Variants in SLC36A2 observed in about 807,000 individuals in gnomAD.
SLC36A2 encodes proton-coupled amino acid transporter 2.
Under a neutral mutation model 42.7 loss-of-function variants are expected in SLC36A2, and 39 were observed. The ratio of observed to expected loss-of-function variants is 0.91; its 90% confidence interval spans 0.71 to 1.19. SLC36A2 has a LOEUF of 1.19. Among genes scored for constraint, SLC36A2 ranks in the 50% most tolerant of loss-of-function variants. The pLI is 0.00. For synonymous variants in SLC36A2, 237 were observed against 240.8 expected, an observed-to-expected ratio of 0.98 and a Z score of 0.15; for missense variants, 590 against 613.7, an observed-to-expected ratio of 0.96 and a Z score of 0.41.
chr5:151,341,909 C>T (rs183118161), intron 4 of SLC36A2, among the ~76,000 whole-genome samples: 1 of 152,276 alleles, frequency 6.6e-6, no homozygotes, highest in East Asian at 1.9e-4. Context: ...TCTCCCAATC[C>T]CAGGATCCAG....
In SLC36A2 at chr5:151,340,054, CAA is replaced by C. The variant is rs1756276615; in HGVS notation, c.441-912_441-911del. ...AGTTGTGGGGAGGAAGAGGGAGGGA[CAA>C]AGAGAGAGAGAAAAAGAAGAAAAAG... On this transcript the variant is annotated intron_variant, in intron 4 of 9. Transcript: ENST00000335244. Among the ~76,000 whole-genome samples the C allele has an allele frequency of 2.1e-5, 3 of 143,988 alleles. No homozygotes were observed. In the Admixed American group the frequency reaches 2.2e-4, roughly 11 times the overall value. 94.5% of individuals were successfully genotyped at this position (143,988 alleles called of 152,430 possible). A position where few individuals can be genotyped will look rare whatever the true frequency, so the allele number is the denominator to read the frequency against.
chr5:151,347,499 G>T lies in SLC36A2; in HGVS notation c.-39C>A, dbSNP rs756838557. On this transcript the variant is annotated 5_prime_UTR_variant, in exon 1 of 10. Transcript: ENST00000335244. ...ACAAGGAGCTCGGGGTGACAAAGAG[G>T]TCTGCTCTGGAAGGAGGGAAGCAGG... 7 of 1,610,744 alleles carry T rather than the reference G, an allele frequency of 4.3e-6. No homozygotes were observed. Among genetic ancestry groups the T allele is most frequent in the Non-Finnish European group, 5.9e-6 (7 of 1,178,650 alleles).
chr5:151,344,410 T>C, intron 1 of SLC36A2, 143 bp from the exon 2 acceptor site: 2 of 751,790 alleles, frequency 2.7e-6, no homozygotes, highest in Non-Finnish European at 4.7e-6. Flanking sequence ...CACATCTGGG[T>C]CTCCTGTAGG....
intron 4 of SLC36A2, among the ~76,000 whole-genome samples, chr5:151,340,254 AGAGGAG>A (rs113061396): frequency 3.1e-4 from 45 of 146,930 alleles, no homozygotes; most frequent in African/African-American, 1.1e-3. Context: ...AGGGGGAAGA[AGAGGAG>A]GAGGTGGAAG....
chr5:151,316,010 G>T lies in SLC36A2; in HGVS notation c.*807C>A, dbSNP rs918718084. The T allele has an allele frequency of 6.6e-6, 1 of 152,168 alleles. No individual in the cohort carries two copies. The highest frequency in any genetic ancestry group is 1.5e-5 in the Non-Finnish European group (1 of 68,046). The allele number at this position is 152,168 out of a possible 1,614,324, so 9.4% of individuals were successfully genotyped here. A position where few individuals can be genotyped will look rare whatever the true frequency, so the allele number is the denominator to read the frequency against. On this transcript the variant is annotated 3_prime_UTR_variant, in exon 10 of 10. Transcript: ENST00000335244. ...TTTCTATCTGAGAGTTTTCACACTG[G>T]TCATCTTGGCCCTACCCATCTCAAC...
chr5:151,322,774 G>A (rs1275704843), intron 8 of SLC36A2, among the ~76,000 whole-genome samples: 3 of 152,162 alleles, frequency 2.0e-5, no homozygotes, highest in African/African-American at 4.8e-5. Context: ...GAGTCAGGGT[G>A]GAATATAAGG....
chr5:151,333,062 A>G (rs1048047108), intron 7 of SLC36A2, among the ~76,000 whole-genome samples, 162 bp downstream of exon 7: 11 of 152,202 alleles, frequency 7.2e-5, no homozygotes, highest in African/African-American at 2.7e-4. Context: ...CTTGCTGGTG[A>G]CAACTGTCCC....
chr5:151,338,825 G>A lies in SLC36A2; in HGVS notation c.525+235C>T, dbSNP rs1365295626. ...CCAAGGGTCTTTCCATTCCAGTTCAGTAGAGATCAACTTTGAGAACAGGTC... is the reference window on the plus strand; with the variant it reads ...CCAAGGGTCTTTCCATTCCAGTTCAATAGAGATCAACTTTGAGAACAGGTC... On this transcript the variant is annotated intron_variant, in intron 5 of 9. Transcript: ENST00000335244. 1.4e-5 allele frequency: 6 copies of A among 415,824 alleles called. No individual in the cohort carries two copies. In the East Asian group the frequency reaches 1.6e-4, roughly 11 times the overall value. The allele number at this position is 415,824 out of a possible 1,614,324, so 25.8% of individuals were successfully genotyped here.
At chr5:151,339,015 T>A in intron 5 of SLC36A2, 45 bp downstream of exon 5, 2 of 1,399,182 alleles carry the variant, frequency 1.4e-6, no homozygotes, top group Non-Finnish European at 2.0e-6. Context: ...CAGTGGCGTG[T>A]CCTTGTCCAT....
chr5:151,318,485 A>G (rs1580840885), intron 9 of SLC36A2, among the ~76,000 whole-genome samples: 1 of 143,194 alleles, frequency 7.0e-6, no homozygotes, highest in African/African-American at 2.6e-5. Flanking sequence ...TATATTTTAT[A>G]TATTTTATCT....
intron 7 of SLC36A2, among the ~76,000 whole-genome samples, chr5:151,329,798 C>T (rs1319569728): frequency 1.3e-5 from 2 of 152,032 alleles, no homozygotes; most frequent in Non-Finnish European, 2.9e-5. Context: ...GCCTCAGAAA[C>T]CTGTGGGATA....
chr5:151,335,676 C>T (rs560143880), intron 5 of SLC36A2, 129 bp from the exon 6 acceptor site: 130 of 752,270 alleles, frequency 1.7e-4, no homozygotes, highest in Admixed American at 1.3e-3. Flanking sequence ...CCAAATCTCA[C>T]GGTGAGTTAG....
intron 5 of SLC36A2, among the ~76,000 whole-genome samples, chr5:151,337,358 A>T (rs952321728): frequency 1.3e-5 from 2 of 152,154 alleles, no homozygotes; most frequent in African/African-American, 4.8e-5. Context: ...TGCTCCAGTG[A>T]TCTCTGCAAT....
intron 7 of SLC36A2, among the ~76,000 whole-genome samples, chr5:151,327,562 C>G (rs1755888055): frequency 6.6e-6 from 1 of 152,154 alleles, no homozygotes; most frequent in African/African-American, 2.4e-5. Flanking sequence ...TTTCCACTTT[C>G]TTCTGGATTA....
At chr5:151,334,442 C>G (rs1348746041) in intron 6 of SLC36A2, among the ~76,000 whole-genome samples, 1 of 151,160 alleles carries the variant, frequency 6.6e-6, no homozygotes, top group Non-Finnish European at 1.5e-5. Context: ...GTAATCTCAG[C>G]ACTTTGGGGG....
At chr5:151,322,299 G>A (rs1755719114) in intron 8 of SLC36A2, 84 bp from the exon 9 acceptor site, 1 of 1,507,316 alleles carries the variant, frequency 6.6e-7, no homozygotes, top group South Asian at 1.2e-5. Context: ...CTGACCTTGG[G>A]ACAATGACTT....
intron 9 of SLC36A2, chr5:151,319,004 T>G (rs1184560433): frequency 1.0e-5 from 2 of 198,022 alleles, no homozygotes; most frequent in Non-Finnish European, 1.8e-5. Flanking sequence ...AAGGCAGGAG[T>G]CTGGTTCATT....
At position 151,333,317 on chromosome 5, in the gene SLC36A2, G is replaced by A. The variant is rs1265149352; in HGVS notation, c.750C>T (p.Ile250=). ...CCAGTGGCAACCGGCTGGGGTCTGG[G>A]ATTTCCTAAAGAAGAAAGAAATGCT... is the stretch of plus-strand genomic sequence containing the variant. ...VIIIQYITQE[I]PDPSRLPLVA... Residue 250 remains isoleucine (I), a synonymous_variant, in exon 7 of 10, where the codon ATC becomes ATT. Coordinates refer to ENST00000335244, the MANE Select transcript of SLC36A2 (RefSeq NM_181776.3). 1 of 1,613,694 alleles carries A rather than the reference G, an allele frequency of 6.2e-7. No homozygotes were observed. The highest frequency in any genetic ancestry group is 8.5e-7 in the Non-Finnish European group (1 of 1,179,780).
chr5:151,327,378 C>T (rs756349444), intron 7 of SLC36A2, among the ~76,000 whole-genome samples: 2 of 152,194 alleles, frequency 1.3e-5, no homozygotes, highest in Admixed American at 6.5e-5. Flanking sequence ...GCTTCTACTC[C>T]TATAGCAATG....
Sources: allele counts gnomAD v4.1 joint callset (sites outside exome capture counted in the v4.1 genomes callset), GRCh38; gene constraint gnomAD v4.1.1; transcripts MANE v1.5; gene names NCBI Gene and HGNC (gene_info 2026-07-23, HGNC 2026-07-21).